The following LYRM4 variants were observed in gnomAD, a reference collection of about 807,000 sequenced individuals.
LYRM4 encodes the protein LYR motif containing 4, also known as LYR motif-containing protein 4.
Under a neutral mutation model 11.7 loss-of-function variants are expected in LYRM4, and 9 were observed. The ratio of observed to expected loss-of-function variants is 0.77; its 90% CI spans 0.46 to 1.34. The LOEUF (loss-of-function observed/expected upper bound fraction) is 1.34, where lower values mean the gene tolerates loss of function less well. Ranked by LOEUF, LYRM4 falls within the 40% of genes most tolerant of loss-of-function variation. LYRM4 has a pLI of 0.00. For synonymous variants in LYRM4, 42 were observed against 40.4 expected (o/e 1.04, Z -0.15); for missense variants, 133 against 112.5 (o/e 1.18, Z -0.82).
At chr6:5,045,479 ATTG>A in the LYRM4 span, among the ~76,000 whole-genome samples, 1 of 152,220 alleles carries the variant, frequency 6.6e-6, no homozygotes, top group African/African-American at 2.4e-5. Context: ...AAGGGCAGTT[ATTG>A]TTTAAAAGGT....
chr6:5,208,089 A>G (rs923590409), intron 2 of LYRM4, among the ~76,000 whole-genome samples: 1 of 152,210 alleles, frequency 6.6e-6, no homozygotes, highest in Non-Finnish European at 1.5e-5. Context: ...AAAAATGAGG[A>G]TAAGAGTTCC....
intron 2 of LYRM4, among the ~76,000 whole-genome samples, chr6:5,146,273 GA>G (rs1209115109): frequency 1.3e-5 from 2 of 152,192 alleles, no homozygotes; most frequent in African/African-American, 2.4e-5. Context: ...GTCCCTTATT[GA>G]TGCCCTGTCC....
intron 2 of LYRM4, among the ~76,000 whole-genome samples, chr6:5,187,853 G>C (rs1760509612): frequency 6.6e-6 from 1 of 152,020 alleles, no homozygotes; most frequent in African/African-American, 2.4e-5. Context: ...AAGCTGTAAG[G>C]GAGTATTTAT....
the LYRM4 span, among the ~76,000 whole-genome samples, chr6:5,094,805 G>A: frequency 6.6e-6 from 1 of 152,302 alleles, no homozygotes; most frequent in East Asian, 1.9e-4. Flanking sequence ...AATACAGAAT[G>A]TAAGCGATGT....
chr6:5,178,661 A>G (rs1759864190), intron 2 of LYRM4, among the ~76,000 whole-genome samples: 1 of 151,158 alleles, frequency 6.6e-6, no homozygotes, highest in African/African-American at 2.4e-5. Context: ...AAAAACACAA[A>G]AATTAGCCGG....
chr6:5,180,425 C>T (rs1760001998), intron 2 of LYRM4, among the ~76,000 whole-genome samples: 1 of 152,334 alleles, frequency 6.6e-6, no homozygotes, highest in Non-Finnish European at 1.5e-5. Flanking sequence ...ATCTTCCAAA[C>T]AGCCTGGCTC....
At chr6:5,172,852 CATT>C (rs1759509978) in intron 2 of LYRM4, among the ~76,000 whole-genome samples, 1 of 152,100 alleles carries the variant, frequency 6.6e-6, no homozygotes, top group South Asian at 2.1e-4. Context: ...AGCAATATGG[CATT>C]ATTTCAGTGA....
At chr6:5,237,737 C>G (rs1424265399) in intron 1 of LYRM4, among the ~76,000 whole-genome samples, 3 of 152,122 alleles carry the variant, frequency 2.0e-5, no homozygotes, top group Non-Finnish European at 4.4e-5. Flanking sequence ...TTGGATGTGC[C>G]AAGGACCTGC....
chr6:5,155,674 A>G (rs909544173), intron 2 of LYRM4, among the ~76,000 whole-genome samples: 1 of 152,194 alleles, frequency 6.6e-6, no homozygotes. Context: ...TCCTGCCATT[A>G]TTCTGTTGTA....
chr6:5,204,895 G>C (rs1217840175), intron 2 of LYRM4, among the ~76,000 whole-genome samples: 6 of 152,230 alleles, frequency 3.9e-5, no homozygotes, highest in Admixed American at 6.5e-5. Context: ...AAGATGCTAA[G>C]TGGTGCACAG....
rs1484499414 is a variant in LYRM4, at chr6:5,198,256, C to G, written c.207+18362G>C. 4.6e-5 allele frequency among the ~76,000 whole-genome samples: 7 copies of G among 152,092 alleles called. No individual in the cohort carries two copies. The South Asian group carries it at 1.2e-3, about 27-fold the overall frequency. On this transcript the variant is annotated intron_variant, in intron 2 of 2. Coordinates refer to ENST00000330636, the MANE Select transcript of LYRM4 (RefSeq NM_020408.6). ...ACTAACTGAGTTTTGGACATCACGG[C>G]TTTCAAGTACTCATAAAACACCCAA...
At chr6:5,201,588 T>C (rs1581494458) in intron 2 of LYRM4, among the ~76,000 whole-genome samples, 2 of 152,200 alleles carry the variant, frequency 1.3e-5, no homozygotes, top group East Asian at 1.9e-4. Flanking sequence ...GAGGGAACCA[T>C]CTGTCTTTCC....
At chr6:5,173,761 CA>C (rs1459641051) in intron 2 of LYRM4, among the ~76,000 whole-genome samples, 3 of 152,120 alleles carry the variant, frequency 2.0e-5, no homozygotes, top group African/African-American at 7.2e-5. Context: ...AATATGTATG[CA>C]GAAGAGAAAT....
At position 5,259,392 on chromosome 6, in the gene LYRM4, A is replaced by G. The variant is rs1764842594; in HGVS notation, c.86+1256T>C. 2.0e-5 allele frequency among the ~76,000 whole-genome samples: 3 copies of G among 152,232 alleles called. 1 individual carries two copies. In the South Asian group the frequency reaches 6.2e-4, roughly 31 times the overall value. ...TACACTCTTTATTCTCCAAAGTCAA[A>G]GTCATTAAGTAAAATCATTCTCTCC... On this transcript the variant is annotated intron_variant, in intron 1 of 2. Transcript: ENST00000330636.
chr6:5,130,618 A>C (rs954451806), intron 2 of LYRM4, among the ~76,000 whole-genome samples: 1 of 152,204 alleles, frequency 6.6e-6, no homozygotes, highest in African/African-American at 2.4e-5. Context: ...TGCTTCTAAA[A>C]CTGCTGAGGA....
At chr6:5,119,006 A>G (rs553976434) in intron 2 of LYRM4, among the ~76,000 whole-genome samples, 73 of 152,354 alleles carry the variant, frequency 4.8e-4, no homozygotes, top group African/African-American at 1.7e-3. Context: ...TGAAACTTCA[A>G]TCTCCAATGA....
At position 5,138,742 on chromosome 6, in the gene LYRM4, G is replaced by A. The variant is rs1165396225; in HGVS notation, c.208-29251C>T. 2.0e-6 allele frequency: 3 copies of A among 1,530,476 alleles called. No homozygotes were observed. The Admixed American group carries it at 6.0e-5, about 30-fold the overall frequency. 94.8% of individuals were successfully genotyped at this position (1,530,476 alleles called of 1,614,324 possible). A position where few individuals can be genotyped will look rare whatever the true frequency, so the allele number is the denominator to read the frequency against. On this transcript the variant is annotated intron_variant, in intron 2 of 2. Transcript: ENST00000330636. Reference sequence around the variant, plus strand: ...GACAATGACTATGGACTTTATGCCTGGGGGTAAAAAGAGAAAAAAATAAAA... The same window carrying A: ...GACAATGACTATGGACTTTATGCCTAGGGGTAAAAAGAGAAAAAAATAAAA...
At chr6:5,059,040 T>G in the LYRM4 span, among the ~76,000 whole-genome samples, 1 of 152,198 alleles carries the variant, frequency 6.6e-6, no homozygotes, top group South Asian at 2.1e-4. Flanking sequence ...TTGTGTTTCC[T>G]TTTAGAAGTC....
At chr6:5,054,978 CCTTT>C in the LYRM4 span, among the ~76,000 whole-genome samples, 1 of 152,184 alleles carries the variant, frequency 6.6e-6, no homozygotes, top group Non-Finnish European at 1.5e-5. Context: ...CCTTATTAGG[CCTTT>C]TCTGGAGAGT....
Sources: gnomAD v4.1 joint callset for allele counts (sites outside exome capture counted in the v4.1 genomes callset) on GRCh38, gnomAD v4.1.1 for gene constraint, MANE v1.5 for transcripts, NCBI Gene and HGNC (gene_info 2026-07-23, HGNC 2026-07-21) for gene names.